CHRM3: variants seen among roughly 807,000 people sequenced by gnomAD.
CHRM3 encodes muscarinic acetylcholine receptor M3.
CHRM3 carries 11 observed loss-of-function variants against 41.8 expected under a neutral mutation model. That is an observed-to-expected ratio of 0.26 (90% CI 0.17 to 0.44). The LOEUF is 0.44. CHRM3 is among the 20% of genes least tolerant of loss of function. The probability of loss-of-function intolerance (pLI) is 1.00; values close to 1 mark genes in which losing one functional copy is unlikely to be tolerated. For missense variants in CHRM3, 571 were observed against 745.4 expected (o/e 0.77, Z 2.72); for synonymous variants, 297 against 301.4 (o/e 0.99, Z 0.15).
intron 1 of CHRM3, among the ~76,000 whole-genome samples, chr1:239,404,346 G>A (rs1272379930): frequency 1.1e-5 from 1 of 93,556 alleles, no homozygotes; most frequent in Admixed American, 1.4e-4. Flanking sequence ...GAAAGAAAGA[G>A]AAAGAGAAAG....
chr1:239,743,759 CTTT>C (rs200541361), intron 5 of CHRM3, among the ~76,000 whole-genome samples: 4 of 124,006 alleles, frequency 3.2e-5, no homozygotes, highest in Admixed American at 2.4e-4. Context: ...CAGTGATCTT[CTTT>C]TTCTTTTTCT....
chr1:239,578,175 G>A (rs1320967470), intron 3 of CHRM3, among the ~76,000 whole-genome samples: 1 of 152,152 alleles, frequency 6.6e-6, no homozygotes, highest in Non-Finnish European at 1.5e-5. Flanking sequence ...AGGTCAGTTA[G>A]GTCAGTCAGT....
chr1:239,720,895 A>G (rs995955975), intron 5 of CHRM3, among the ~76,000 whole-genome samples: 1 of 151,926 alleles, frequency 6.6e-6, no homozygotes, highest in South Asian at 2.1e-4. Context: ...AACTCAGGCA[A>G]GGAAATATTT....
At chr1:239,904,840 C>G (rs1372399327) in intron 6 of CHRM3, among the ~76,000 whole-genome samples, 1 of 152,044 alleles carries the variant, frequency 6.6e-6, no homozygotes, top group Non-Finnish European at 1.5e-5. Context: ...AATATTTAGA[C>G]TATTTCAAAT....
chr1:239,867,186 T>G (rs1161995456), intron 6 of CHRM3, among the ~76,000 whole-genome samples: 1 of 152,234 alleles, frequency 6.6e-6, no homozygotes, highest in Non-Finnish European at 1.5e-5. Context: ...AGTAGAATTA[T>G]AAAATAATTA....
At chr1:239,704,588 A>T (rs944850578) in intron 5 of CHRM3, 3 of 152,218 alleles carry the variant, frequency 2.0e-5, no homozygotes, top group African/African-American at 7.2e-5. Flanking sequence ...AATAAAATAA[A>T]TATTAAACCT....
At chr1:239,560,477 C>T (rs934384826) in intron 3 of CHRM3, among the ~76,000 whole-genome samples, 2 of 152,114 alleles carry the variant, frequency 1.3e-5, no homozygotes, top group African/African-American at 4.8e-5. Flanking sequence ...TATATTTGCA[C>T]AAATGTGTGA....
rs200484453 is a variant in CHRM3 at position 239,623,117 on chromosome 1, GT to G, written c.-312-9098del. Among the ~76,000 whole-genome samples the G allele has an allele frequency of 4.8e-3, 721 of 151,420 alleles. 6 individuals carry two copies. The highest frequency in any genetic ancestry group is 6.9e-3 in the Non-Finnish European group (466 of 67,824). ...TTGTTAGTATTTTCTAGCAATAAAG[GT>G]TTTTTTTTATTATACTTTAAGTTTT... On this transcript the variant is annotated intron_variant, in intron 3 of 6. Transcript: ENST00000676153.
chr1:239,902,963 G>C (rs903728295), intron 6 of CHRM3, among the ~76,000 whole-genome samples: 1 of 152,152 alleles, frequency 6.6e-6, no homozygotes, highest in Non-Finnish European at 1.5e-5. Context: ...GAGAATTTCA[G>C]AAACGTATTA....
chr1:239,656,706 A>C (rs1409608255), intron 4 of CHRM3, among the ~76,000 whole-genome samples: 2 of 152,088 alleles, frequency 1.3e-5, no homozygotes, highest in East Asian at 3.8e-4. Flanking sequence ...GAGTTAAATG[A>C]TTTTTTAATG....
At chr1:239,744,112 T>C (rs1455537965) in intron 5 of CHRM3, among the ~76,000 whole-genome samples, 4 of 151,890 alleles carry the variant, frequency 2.6e-5, no homozygotes, top group African/African-American at 9.7e-5. Flanking sequence ...GTCCAGCCAG[T>C]GACTTCCATT....
intron 1 of CHRM3, among the ~76,000 whole-genome samples, chr1:239,480,021 A>T (rs1029195051): frequency 6.6e-6 from 1 of 152,262 alleles, no homozygotes; most frequent in Non-Finnish European, 1.5e-5. Context: ...CAGCTCCATT[A>T]TAATCTTATG....
At chr1:239,679,029 A>ATAGATAGG (rs1265749276) in intron 5 of CHRM3, among the ~76,000 whole-genome samples, 3 of 136,828 alleles carry the variant, frequency 2.2e-5, no homozygotes, top group African/African-American at 9.1e-5. Flanking sequence ...AGATAGATGG[A>ATAGATAGG]TAGATAGATA....
chr1:239,907,400 T>G lies in CHRM3; in HGVS notation c.-19-33T>G. On this transcript the variant is annotated intron_variant, in intron 6 of 6. Transcript: ENST00000676153. This position sits in a 1 kb window ranked among gnomAD's most constrained non-coding sequence, Gnocchi z 5.4. ...GAACAAACAAATAAAGGCAGAAATT[T>G]TTCTAACTCTGTCTCTTCTCTCTTT... 6.5e-7 allele frequency: 1 copy of G among 1,533,498 alleles called. No individual in the cohort carries two copies. Among genetic ancestry groups the G allele is most frequent in the Non-Finnish European group, 8.8e-7 (1 of 1,132,124 alleles). The allele number at this position is 1,533,498 out of a possible 1,614,324, so 95.0% of individuals were successfully genotyped here.
chr1:239,507,854 A>G (rs1384698660), intron 2 of CHRM3, among the ~76,000 whole-genome samples: 1 of 152,214 alleles, frequency 6.6e-6, no homozygotes, highest in African/African-American at 2.4e-5. Flanking sequence ...TATAATTTAT[A>G]AAGAAATTTC....
intron 5 of CHRM3, among the ~76,000 whole-genome samples, chr1:239,809,757 C>T (rs1431034117): frequency 6.6e-6 from 1 of 152,134 alleles, no homozygotes; most frequent in South Asian, 2.1e-4. Flanking sequence ...CCTCGGCCTC[C>T]CAAAGTGCCA....
intron 3 of CHRM3, among the ~76,000 whole-genome samples, chr1:239,581,163 TG>T (rs1170957440): frequency 1.3e-5 from 2 of 152,110 alleles, no homozygotes; most frequent in Non-Finnish European, 2.9e-5. Flanking sequence ...CACATGGCTT[TG>T]TTTCTTGAAT....
At chr1:239,854,971 A>G (rs1674985875) in intron 6 of CHRM3, among the ~76,000 whole-genome samples, 2 of 152,168 alleles carry the variant, frequency 1.3e-5, no homozygotes, top group African/African-American at 4.8e-5. Context: ...TTCACTGTGT[A>G]TCAGATGTCA....
At chr1:239,687,716 A>C (rs1417587308) in intron 5 of CHRM3, among the ~76,000 whole-genome samples, 2 of 152,164 alleles carry the variant, frequency 1.3e-5, no homozygotes, top group African/African-American at 4.8e-5. Context: ...CCCATAACAT[A>C]ATAACTACTG....
Sources: gnomAD v4.1 joint callset for allele counts (sites outside exome capture counted in the v4.1 genomes callset) on GRCh38, gnomAD v4.1.1 for gene constraint, Gnocchi (gnomAD v3.1) non-coding constraint, MANE v1.5 for transcripts, NCBI Gene and HGNC (gene_info 2026-07-23, HGNC 2026-07-21) for gene names.